Variants in TMEM150C observed in about 807,000 individuals in gnomAD.
The protein encoded by TMEM150C is tentonin 3.
A neutral mutation model predicts 29.9 loss-of-function variants in TMEM150C; 10 were observed. The ratio of observed to expected loss-of-function variants is 0.33; its 90% CI spans 0.21 to 0.57. TMEM150C has a LOEUF of 0.57. TMEM150C is among the 20% of genes least tolerant of loss of function. The probability of loss-of-function intolerance (pLI) is 0.88; values close to 1 mark genes in which losing one functional copy is unlikely to be tolerated. For missense variants in TMEM150C, 251 were observed against 303.6 expected (o/e 0.83, Z 1.29); for synonymous variants, 101 against 112.5 (o/e 0.90, Z 0.64).
At chr4:82,554,593 G>A (rs1424709630) in intron 1 of TMEM150C, among the ~76,000 whole-genome samples, 1 of 152,146 alleles carries the variant, frequency 6.6e-6, no homozygotes, top group African/African-American at 2.4e-5. Context: ...TGTAAAAAAA[G>A]AGTACGAAAT....
chr4:82,549,969 T>C (rs1292933941), intron 1 of TMEM150C, among the ~76,000 whole-genome samples: 1 of 151,398 alleles, frequency 6.6e-6, no homozygotes, highest in African/African-American at 2.4e-5. Context: ...GCATTAGGGG[T>C]TCAGGTGATG....
At chr4:82,490,325 G>T in intron 6 of TMEM150C, 87 bp from the exon 7 acceptor site, 2 of 1,150,150 alleles carry the variant, frequency 1.7e-6, no homozygotes, top group Non-Finnish European at 2.5e-6. Flanking sequence ...GAGGGGAAAA[G>T]ATAGGAAAAG....
In TMEM150C at chr4:82,496,111, A is replaced by G. The variant is rs1723548513; in HGVS notation, c.320T>C (p.Leu107Pro). ...GGTCATTCCGAAGGAAGCCAGACAC[A>G]GAGCCACCAATCCACTAATATTCAG... ...PWLNISGLVA[L>P]CLASFGMTLL... is the part of the protein sequence containing the mutation. Residue 107 changes from leucine (L) to proline (P), a missense_variant, in exon 6 of 8, where the codon CTG becomes CCG. Coordinates refer to ENST00000449862, the MANE Select transcript of TMEM150C (RefSeq NM_001080506.3). 3.1e-6 allele frequency: 5 copies of G among 1,613,920 alleles called. No individual in the cohort carries two copies. Among genetic ancestry groups the G allele is most frequent in the African/African-American group, 1.3e-5 (1 of 74,952 alleles).
At chr4:82,548,640 C>A (rs1283982577) in intron 1 of TMEM150C, among the ~76,000 whole-genome samples, 1 of 152,076 alleles carries the variant, frequency 6.6e-6, no homozygotes, top group Non-Finnish European at 1.5e-5. Flanking sequence ...CACTCCCATG[C>A]AATTCATAGA....
At chr4:82,537,611 T>G (rs1054039759) in intron 1 of TMEM150C, among the ~76,000 whole-genome samples, 1 of 152,360 alleles carries the variant, frequency 6.6e-6, no homozygotes, top group Non-Finnish European at 1.5e-5. Flanking sequence ...CCTGTGAGTG[T>G]CATCTTCTTT....
chr4:82,524,335 T>A (rs1054126218), intron 1 of TMEM150C, among the ~76,000 whole-genome samples: 1 of 152,144 alleles, frequency 6.6e-6, no homozygotes, highest in Non-Finnish European at 1.5e-5. Context: ...ATTTTTGTGT[T>A]GAAAAAAAAA....
At chr4:82,513,076 G>A (rs1271878382) in intron 1 of TMEM150C, among the ~76,000 whole-genome samples, 2 of 152,190 alleles carry the variant, frequency 1.3e-5, no homozygotes, top group Non-Finnish European at 2.9e-5. Context: ...CTAGCACAGC[G>A]CTCAAGCTCT....
In TMEM150C at chr4:82,490,126, T is replaced by G. The variant is rs769010735; in HGVS notation, c.476A>C (p.Glu159Ala). ...CCGTGGAATTCCAACTCTCCGTCCTTCATTCTTGATGTTGACCTTGAGTGT... is the reference window on the plus strand; with the variant it reads ...CCGTGGAATTCCAACTCTCCGTCCTGCATTCTTGATGTTGACCTTGAGTGT... ...ALTLKVNIKN[E>A]GRRVGIPRVI... Residue 159 changes from glutamate (E) to alanine (A), a missense_variant, in exon 7 of 8, where the codon GAA becomes GCA. By Grantham distance (107) the Glu-to-Ala change is moderately radical. Transcript: ENST00000449862. 5.6e-6 allele frequency: 9 copies of G among 1,614,014 alleles called. No individual in the cohort carries two copies. The highest frequency in any genetic ancestry group is 7.6e-6 in the Non-Finnish European group (9 of 1,179,890).
chr4:82,524,525 T>C (rs770627332), intron 1 of TMEM150C, among the ~76,000 whole-genome samples: 2 of 152,126 alleles, frequency 1.3e-5, no homozygotes, highest in Non-Finnish European at 2.9e-5. Context: ...CTGCAGAAAA[T>C]TACTCAAGTA....
intron 1 of TMEM150C, among the ~76,000 whole-genome samples, chr4:82,533,861 C>T (rs1297134264): frequency 2.6e-5 from 4 of 152,118 alleles, no homozygotes; most frequent in African/African-American, 7.2e-5. Flanking sequence ...AAAAAGTTAC[C>T]TATCAGTCCA....
intron 1 of TMEM150C, among the ~76,000 whole-genome samples, chr4:82,514,771 T>C (rs1724237531): frequency 6.6e-6 from 1 of 152,160 alleles, no homozygotes; most frequent in South Asian, 2.1e-4. Flanking sequence ...GCCTGGCACA[T>C]ACTCATTTCC....
At chr4:82,492,794 A>G (rs1206795355) in intron 6 of TMEM150C, among the ~76,000 whole-genome samples, 1 of 127,702 alleles carries the variant, frequency 7.8e-6, no homozygotes, top group Admixed American at 8.8e-5. Context: ...CACTTCTCCA[A>G]AAAAAAAAAA....
At chr4:82,501,069 G>T (rs1723722130) in intron 5 of TMEM150C, among the ~76,000 whole-genome samples, 1 of 152,232 alleles carries the variant, frequency 6.6e-6, no homozygotes, top group East Asian at 1.9e-4. Flanking sequence ...ACCATTCAAG[G>T]TTCACTCTTG....
chr4:82,502,562 G>A (rs938424657), intron 5 of TMEM150C, among the ~76,000 whole-genome samples, 165 bp downstream of exon 5: 9 of 152,164 alleles, frequency 5.9e-5, no homozygotes, highest in South Asian at 2.1e-4. Context: ...ATGGATGTAC[G>A]AGAGAAAAAG....
intron 1 of TMEM150C, among the ~76,000 whole-genome samples, chr4:82,532,353 C>T (rs539500449): frequency 6.6e-6 from 1 of 151,806 alleles, no homozygotes; most frequent in Non-Finnish European, 1.5e-5. Context: ...ATAGTAGAGA[C>T]AGAAAGGAGG....
At chr4:82,542,873 A>C (rs1250658130) in intron 1 of TMEM150C, among the ~76,000 whole-genome samples, 1 of 152,222 alleles carries the variant, frequency 6.6e-6, no homozygotes, top group African/African-American at 2.4e-5. Context: ...ACCGGGAAAG[A>C]CACAGTACTG....
chr4:82,541,915 T>C (rs1725213654), intron 1 of TMEM150C, among the ~76,000 whole-genome samples: 1 of 152,202 alleles, frequency 6.6e-6, no homozygotes, highest in Non-Finnish European at 1.5e-5. Context: ...ATAATATTAT[T>C]TTGTTTTACT....
Position 82,485,420 on chromosome 4 carries a change from A to G in TMEM150C, c.*91T>C. On this transcript the variant is annotated 3_prime_UTR_variant, in exon 8 of 8. Transcript: ENST00000449862. ...AATGTGTGTGTGTGTGTGTGTGTGA[A>G]ATGAGGTTCTATGTCAAGTCCTGTG... 2.4e-6 allele frequency: 2 copies of G among 821,130 alleles called. No homozygotes were observed. Among genetic ancestry groups the G allele is most frequent in the Non-Finnish European group, 3.8e-6 (2 of 522,718 alleles). The allele number at this position is 821,130 out of a possible 1,614,324, so 50.9% of individuals were successfully genotyped here. A position where few individuals can be genotyped will look rare whatever the true frequency, so the allele number is the denominator to read the frequency against.
At chr4:82,558,277 C>A (rs1560502948) in intron 1 of TMEM150C, among the ~76,000 whole-genome samples, 1 of 152,078 alleles carries the variant, frequency 6.6e-6, no homozygotes, top group Non-Finnish European at 1.5e-5. Flanking sequence ...TTACACTAGC[C>A]CACATTTCAA....
Sources: allele counts gnomAD v4.1 joint callset (sites outside exome capture counted in the v4.1 genomes callset), GRCh38; gene constraint gnomAD v4.1.1; transcripts MANE v1.5; gene names NCBI Gene and HGNC (gene_info 2026-07-23, HGNC 2026-07-21).